CACNA2D1: variants seen among roughly 807,000 people sequenced by gnomAD.
The protein encoded by CACNA2D1 is voltage-dependent calcium channel subunit alpha-2/delta-1.
Under a neutral mutation model 171.5 loss-of-function variants are expected in CACNA2D1, and 53 were observed. The observed-to-expected ratio is 0.31, with a 90% confidence interval of 0.25 to 0.39. CACNA2D1 has a LOEUF of 0.39. CACNA2D1 is among the 10% of genes least tolerant of loss of function. The probability of loss-of-function intolerance (pLI) is 1.00; values close to 1 mark genes in which losing one functional copy is unlikely to be tolerated. For missense variants in CACNA2D1, 903 were observed against 1,299.8 expected, an observed-to-expected ratio of 0.69 and a Z score of 4.69; for synonymous variants, 442 against 443.1, an observed-to-expected ratio of 1.00 and a Z score of 0.03.
At chr7:82,150,281 AC>A (rs746638081) in intron 4 of CACNA2D1, among the ~76,000 whole-genome samples, 1,323 of 86,944 alleles carry the variant, frequency 0.015, 53 homozygotes, top group Middle Eastern at 0.12. Flanking sequence ...AAAAACAACA[AC>A]AAAAAAAAAC....
intron 19 of CACNA2D1, among the ~76,000 whole-genome samples, chr7:81,995,401 A>G (rs1009513272): frequency 6.6e-6 from 1 of 152,184 alleles, no homozygotes; most frequent in African/African-American, 2.4e-5. Context: ...ATATCTGGGT[A>G]CCAAAAAAAT....
intron 5 of CACNA2D1, 41 bp downstream of exon 5, chr7:82,136,594 A>G (rs1333669101): frequency 1.4e-6 from 2 of 1,473,090 alleles, no homozygotes; most frequent in Admixed American, 1.8e-5. Context: ...TCATTTTACT[A>G]TAATTTTCTT....
At chr7:82,121,311 C>T (rs1789704587) in intron 5 of CACNA2D1, among the ~76,000 whole-genome samples, 1 of 152,188 alleles carries the variant, frequency 6.6e-6, no homozygotes, top group Non-Finnish European at 1.5e-5. Context: ...CCTGCCTCAG[C>T]CTCCTGAGTT....
At chr7:81,974,426 G>C (rs772400818) in intron 25 of CACNA2D1, 29 bp downstream of exon 25, 9 of 1,065,798 alleles carry the variant, frequency 8.4e-6, no homozygotes, top group Non-Finnish European at 1.3e-5. Context: ...CCACACTCAA[G>C]CAATCATTTT....
At chr7:82,133,351 G>C (rs908117845) in intron 5 of CACNA2D1, among the ~76,000 whole-genome samples, 2 of 152,144 alleles carry the variant, frequency 1.3e-5, no homozygotes, top group African/African-American at 2.4e-5. Context: ...GGTTTCCCAT[G>C]TTGAGGGCAA....
At chr7:82,109,388 G>A (rs1418735379) in intron 6 of CACNA2D1, among the ~76,000 whole-genome samples, 3 of 152,128 alleles carry the variant, frequency 2.0e-5, no homozygotes, top group African/African-American at 7.2e-5. Context: ...CAGTGGGTTG[G>A]AAGTGTAGTG....
At chr7:82,435,131 G>A (rs1830016250) in intron 1 of CACNA2D1, among the ~76,000 whole-genome samples, 1 of 151,036 alleles carries the variant, frequency 6.6e-6, no homozygotes, top group East Asian at 2.0e-4. Context: ...CGCCTCCCGG[G>A]TTCAAGTGAT....
At chr7:82,110,352 T>C (rs2129046923) in intron 6 of CACNA2D1, among the ~76,000 whole-genome samples, 1 of 152,196 alleles carries the variant, frequency 6.6e-6, no homozygotes, top group African/African-American at 2.4e-5. Context: ...AGAAAAGAGC[T>C]TGCTCGCTCT....
At chr7:82,306,659 A>AT (rs1647536636) in intron 3 of CACNA2D1, among the ~76,000 whole-genome samples, 1 of 152,058 alleles carries the variant, frequency 6.6e-6, no homozygotes, top group Non-Finnish European at 1.5e-5. Flanking sequence ...CTGGGAGTGA[A>AT]TTTTCTGGAG....
chr7:82,429,525 A>G (rs1337294835), intron 1 of CACNA2D1, among the ~76,000 whole-genome samples: 2 of 152,130 alleles, frequency 1.3e-5, no homozygotes, highest in East Asian at 3.9e-4. Context: ...GTAGGACCAA[A>G]TCCAAGACTT....
intron 7 of CACNA2D1, among the ~76,000 whole-genome samples, chr7:82,069,151 C>T (rs577903954): frequency 3.3e-5 from 5 of 152,232 alleles, no homozygotes; most frequent in Admixed American, 3.3e-4. Context: ...CCCATCATGT[C>T]ATTTAAATAG....
At chr7:81,959,906 T>C (rs1793902203) in intron 36 of CACNA2D1, 77 bp from the exon 37 acceptor site, 3 of 1,538,494 alleles carry the variant, frequency 1.9e-6, no homozygotes, top group Non-Finnish European at 2.6e-6. Flanking sequence ...GATTCTTACA[T>C]ATTAAAATGA....
Position 82,038,145 on chromosome 7 carries a change from T to G in CACNA2D1, c.970A>C (p.Asn324His), listed in dbSNP as rs1803531140. 6.2e-7 allele frequency: 1 copy of G among 1,613,416 alleles called. No homozygotes were observed. The highest frequency in any genetic ancestry group is 8.5e-7 in the Non-Finnish European group (1 of 1,179,434). ...NKKVLKDAVN[N>H]ITAKGITDYK... The stretch of plus-strand genomic sequence containing the variant: ...TCTGTAATTCCTTTGGCTGTGATAT[T>G]ATTCACCGCGTCTTTCAACACTTTT... The change falls in exon 11 of 39, where the codon AAT becomes CAT. Residue 324 changes from asparagine (N) to histidine (H), a missense_variant. Asn to His is a moderately conservative substitution (Grantham distance 68). Coordinates refer to ENST00000356860, the MANE Select transcript of CACNA2D1 (RefSeq NM_000722.4).
At chr7:82,292,497 T>C (rs1384082682) in intron 3 of CACNA2D1, among the ~76,000 whole-genome samples, 1 of 152,202 alleles carries the variant, frequency 6.6e-6, no homozygotes, top group African/African-American at 2.4e-5. Flanking sequence ...AACAATTTTT[T>C]GAAAATTTAC....
At position 82,095,135 on chromosome 7, in the gene CACNA2D1, C is replaced by T. The variant is rs551540725; in HGVS notation, c.527-10235G>A. On this transcript the variant is annotated intron_variant, in intron 6 of 38. Transcript: ENST00000356860. The stretch of plus-strand genomic sequence containing the variant: ...TTCTCAGAGGATGCAAAGTTTACTC[C>T]TGCCTCAAATGTCATTCTGTATGCT... Among the ~76,000 whole-genome samples, 3 of 152,218 alleles carry T rather than the reference C, an allele frequency of 2.0e-5. No homozygotes were observed. In the South Asian group the frequency reaches 6.2e-4, roughly 32 times the overall value.
intron 1 of CACNA2D1, among the ~76,000 whole-genome samples, chr7:82,357,458 A>C (rs1166287180): frequency 6.6e-6 from 1 of 152,182 alleles, no homozygotes; most frequent in African/African-American, 2.4e-5. Flanking sequence ...GGAACAATGC[A>C]GCCAAAATGA....
chr7:82,339,471 C>A (rs942856481), intron 2 of CACNA2D1, among the ~76,000 whole-genome samples: 1 of 152,222 alleles, frequency 6.6e-6, no homozygotes, highest in African/African-American at 2.4e-5. Context: ...GAAATAGGAG[C>A]TCCCTTACAC....
chr7:82,357,181 CT>C (rs1354766772), intron 1 of CACNA2D1, among the ~76,000 whole-genome samples: 17 of 152,062 alleles, frequency 1.1e-4, no homozygotes, highest in Admixed American at 1.1e-3. Context: ...AATATTGTTC[CT>C]TTCAAGGTTG....
intron 5 of CACNA2D1, among the ~76,000 whole-genome samples, chr7:82,135,102 T>A (rs1195355053): frequency 6.6e-6 from 1 of 152,084 alleles, no homozygotes; most frequent in Admixed American, 6.5e-5. Flanking sequence ...AAATACTTAT[T>A]TGCAGTATTG....
Sources: allele counts gnomAD v4.1 joint callset (sites outside exome capture counted in the v4.1 genomes callset), GRCh38; gene constraint gnomAD v4.1.1; transcripts MANE v1.5; gene names NCBI Gene and HGNC (gene_info 2026-07-23, HGNC 2026-07-21).